Variants in PKHD1 observed in about 807,000 individuals in gnomAD.
PKHD1 encodes the protein fibrocystin.
PKHD1 carries 291 observed loss-of-function variants against 412.0 expected under a neutral mutation model. The ratio of observed to expected loss-of-function variants is 0.71; its 90% CI spans 0.64 to 0.78. The LOEUF is 0.78. Ranked by LOEUF, PKHD1 falls within the 30% of genes least tolerant of loss-of-function variation. The pLI, the probability that PKHD1 is intolerant of heterozygous loss-of-function variation, is 0.00. For synonymous variants in PKHD1, 1,777 were observed against 1,821.5 expected (o/e 0.98, Z 0.62); for missense variants, 4,825 against 4,950.7 (o/e 0.97, Z 0.76).
In PKHD1 at chr6:52,010,372, C is replaced by T. The variant is rs1050674532; in HGVS notation, c.5688G>A (p.Thr1896=). 1.1e-5 allele frequency: 18 copies of T among 1,612,566 alleles called. No individual in the cohort carries two copies. The highest frequency in any genetic ancestry group is 1.4e-5 in the Non-Finnish European group (16 of 1,178,832). ...METEAEMECE[T]PNQPITVKIT... ...TCTTGACGGTAATTGGCTGATTGGG[C>T]GTCTCACACTCCATCTCTGCCTCAG... Residue 1896 remains threonine (T), a synonymous_variant, in exon 35 of 67, where the codon ACG becomes ACA. Coordinates refer to ENST00000371117, the MANE Select transcript of PKHD1 (RefSeq NM_138694.4).
At chr6:51,642,955 G>A (rs1452118931) in intron 63 of PKHD1, among the ~76,000 whole-genome samples, 4 of 152,186 alleles carry the variant, frequency 2.6e-5, no homozygotes, top group Non-Finnish European at 1.5e-5. Flanking sequence ...TTTGGAGTAT[G>A]GGTAAGGAAT....
At chr6:51,805,027 G>C (rs977520107) in intron 52 of PKHD1, among the ~76,000 whole-genome samples, 1 of 152,164 alleles carries the variant, frequency 6.6e-6, no homozygotes, top group African/African-American at 2.4e-5. Flanking sequence ...TCACCTTACT[G>C]GGTATATATC....
At chr6:51,958,561 T>G (rs1026435513) in intron 36 of PKHD1, among the ~76,000 whole-genome samples, 2 of 152,050 alleles carry the variant, frequency 1.3e-5, no homozygotes, top group African/African-American at 4.8e-5. Context: ...ATCCAGAGAT[T>G]TAGTAATCCA....
chr6:51,767,887 G>T (rs896946053), intron 55 of PKHD1, among the ~76,000 whole-genome samples: 1 of 152,086 alleles, frequency 6.6e-6, no homozygotes, highest in African/African-American at 2.4e-5. Context: ...CCAAGGAATC[G>T]CCACACTGAC....
At chr6:51,968,183 T>C (rs1438393160) in intron 35 of PKHD1, among the ~76,000 whole-genome samples, 2 of 152,152 alleles carry the variant, frequency 1.3e-5, no homozygotes, top group African/African-American at 4.8e-5. Context: ...TTACTTCTAA[T>C]GTTTGGGCTA....
intron 51 of PKHD1, among the ~76,000 whole-genome samples, chr6:51,831,224 T>C (rs1425282712): frequency 2.0e-5 from 3 of 152,190 alleles, no homozygotes; most frequent in African/African-American, 4.8e-5. Context: ...TTTTGCCTTA[T>C]AATAAATATG....
chr6:52,017,762 ATGTAT>A (rs1800775366), intron 33 of PKHD1, 133 bp from the exon 34 acceptor site: 1 of 713,746 alleles, frequency 1.4e-6, no homozygotes, highest in Non-Finnish European at 2.5e-6. Flanking sequence ...TTTTTTTAAA[ATGTAT>A]TGTATATGTG....
At chr6:51,627,820 G>A (rs942980876) in intron 65 of PKHD1, among the ~76,000 whole-genome samples, 1 of 152,068 alleles carries the variant, frequency 6.6e-6, no homozygotes, top group African/African-American at 2.4e-5. Flanking sequence ...TGGCTGAAGA[G>A]ATACTTCATC....
intron 54 of PKHD1, 122 bp from the exon 55 acceptor site, chr6:51,772,911 G>T (rs1254104577): frequency 5.7e-6 from 4 of 700,708 alleles, no homozygotes; most frequent in East Asian, 5.1e-5. Context: ...CTATATGAAG[G>T]TCCCATATTA....
chr6:51,721,034 T>C, intron 60 of PKHD1: 1 of 982,562 alleles, frequency 1.0e-6, no homozygotes, highest in Middle Eastern at 5.2e-4. Flanking sequence ...AAGGGAAGTA[T>C]TTGAGGGTCA....
At chr6:51,745,467 G>A (rs1415014558) in intron 59 of PKHD1, among the ~76,000 whole-genome samples, 1 of 152,150 alleles carries the variant, frequency 6.6e-6, no homozygotes, top group Admixed American at 6.5e-5. Context: ...GCACCATCTT[G>A]GAAGGAGGGA....
chr6:51,828,907 C>T (rs1326601), intron 52 of PKHD1, among the ~76,000 whole-genome samples: 67,374 of 151,900 alleles, frequency 0.44, 16,029 homozygotes, highest in Middle Eastern at 0.61. Context: ...TGAATTCAAT[C>T]GCTCATCAAT....
intron 37 of PKHD1, among the ~76,000 whole-genome samples, chr6:51,926,363 C>T (rs1013645085): frequency 1.7e-4 from 26 of 152,150 alleles, no homozygotes; most frequent in African/African-American, 2.6e-4. Flanking sequence ...TTTTTCTTTT[C>T]GCCTCAAGTT....
At chr6:52,026,976 T>C (rs9370091) in intron 31 of PKHD1, among the ~76,000 whole-genome samples, 69,369 of 152,100 alleles carry the variant, frequency 0.46, 17,538 homozygotes, top group Admixed American at 0.58. Flanking sequence ...GCCACTAGAT[T>C]GTTTTCCATT....
At chr6:51,713,469 G>C (rs144931864) in intron 60 of PKHD1, among the ~76,000 whole-genome samples, 6 of 152,324 alleles carry the variant, frequency 3.9e-5, no homozygotes, top group Non-Finnish European at 8.8e-5. Flanking sequence ...CTCCAGGGTT[G>C]AGCATAGGGC....
At chr6:51,826,667 T>C (rs1249845875) in intron 52 of PKHD1, among the ~76,000 whole-genome samples, 1 of 152,288 alleles carries the variant, frequency 6.6e-6, no homozygotes, top group Middle Eastern at 3.4e-3. Flanking sequence ...CACTTACTTG[T>C]TGAAGCAAAG....
At chr6:51,903,850 T>G in intron 42 of PKHD1, 123 bp from the exon 43 acceptor site, 2 of 410,446 alleles carry the variant, frequency 4.9e-6, no homozygotes, top group Non-Finnish European at 4.2e-6. Context: ...TATATATATA[T>G]ATATATATAT....
Position 52,027,898 on chromosome 6 carries a change from T to C in PKHD1, c.3561-2A>G, listed in dbSNP as rs1057516982. 1 of 1,609,354 alleles carries C rather than the reference T, an allele frequency of 6.2e-7. No individual in the cohort carries two copies. Among genetic ancestry groups the C allele is most frequent in the Non-Finnish European group, 8.5e-7 (1 of 1,175,678 alleles). On this transcript the variant is annotated splice_acceptor_variant, in intron 30 of 66. Transcript: ENST00000371117. LOFTEE classifies it high-confidence loss of function. ...AGGTACTGGATGTGGAGATCAACCC[T>C]ACAGAAGATAGGCAGATGTTTAGGA...
At chr6:51,729,051 T>C (rs948138971) in intron 60 of PKHD1, among the ~76,000 whole-genome samples, 1 of 152,246 alleles carries the variant, frequency 6.6e-6, no homozygotes, top group African/African-American at 2.4e-5. Context: ...GATAGGCTGG[T>C]TTCCACATGG....
Sources: gnomAD v4.1 joint callset for allele counts (sites outside exome capture counted in the v4.1 genomes callset) on GRCh38, gnomAD v4.1.1 for gene constraint, MANE v1.5 for transcripts, NCBI Gene and HGNC (gene_info 2026-07-23, HGNC 2026-07-21) for gene names.